The following GKAP1 variants were observed in gnomAD, a reference collection of about 807,000 sequenced individuals.
GKAP1 encodes the protein G kinase-anchoring protein 1.
GKAP1 carries 31 observed loss-of-function variants against 56.7 expected under a neutral mutation model. The observed-to-expected ratio is 0.55, with a 90% CI of 0.41 to 0.74. The LOEUF is 0.74. Among genes scored for constraint, GKAP1 ranks in the 30% least tolerant of loss-of-function variants. The probability of loss-of-function intolerance (pLI) is 0.00; values close to 1 mark genes in which losing one functional copy is unlikely to be tolerated. For missense variants in GKAP1, 364 were observed against 402.3 expected, an observed-to-expected ratio of 0.90 and a Z score of 0.82; for synonymous variants, 151 against 138.6, an observed-to-expected ratio of 1.09 and a Z score of -0.63.
chr9:83,785,951 C>T (rs920527956), intron 5 of GKAP1, among the ~76,000 whole-genome samples: 73 of 152,282 alleles, frequency 4.8e-4, no homozygotes, highest in African/African-American at 1.8e-3. Context: ...TTCAAATATG[C>T]TATATTCTTT....
At chr9:83,768,034 G>A (rs1171427926) in intron 8 of GKAP1, among the ~76,000 whole-genome samples, 1 of 152,108 alleles carries the variant, frequency 6.6e-6, no homozygotes, top group Admixed American at 6.6e-5. Flanking sequence ...GCCATTCTTA[G>A]CTTACAGTCC....
At chr9:83,781,554 T>G (rs371883026) in intron 6 of GKAP1, among the ~76,000 whole-genome samples, 1 of 152,184 alleles carries the variant, frequency 6.6e-6, no homozygotes, top group Non-Finnish European at 1.5e-5. Flanking sequence ...ATAGTGTCCA[T>G]AAACACAGTA....
At chr9:83,814,011 G>C (rs562657454) in intron 2 of GKAP1, among the ~76,000 whole-genome samples, 1 of 152,158 alleles carries the variant, frequency 6.6e-6, no homozygotes, top group Non-Finnish European at 1.5e-5. Flanking sequence ...AAGGTGGTAG[G>C]ATCACCTGAG....
At position 83,817,065 on chromosome 9, in the gene GKAP1, G is replaced by C. The variant is rs1049595814; in HGVS notation, c.-113C>G. On this transcript the variant is annotated 5_prime_UTR_variant, in exon 2 of 13. An upstream open reading frame in the 5' UTR gains an earlier in-frame stop. Transcript: ENST00000376371. ...CGATGCTCCGAAACTTATTCGCAAAGTACATAGAGAAAGAAATTGCGCTGG... is the reference window on the plus strand; with the variant it reads ...CGATGCTCCGAAACTTATTCGCAAACTACATAGAGAAAGAAATTGCGCTGG... 2.0e-5 allele frequency: 3 copies of C among 152,200 alleles called. No homozygotes were observed. Among genetic ancestry groups the C allele is most frequent in the Non-Finnish European group, 4.4e-5 (3 of 68,030 alleles). The allele number at this position is 152,200 out of a possible 1,614,324, so 9.4% of individuals were successfully genotyped here. A position where few individuals can be genotyped will look rare whatever the true frequency, so the allele number is the denominator to read the frequency against.
Position 83,780,653 on chromosome 9 carries a change from A to T in GKAP1, c.563-249T>A, listed in dbSNP as rs140108826. 3.6e-3 allele frequency among the ~76,000 whole-genome samples: 547 copies of T among 152,236 alleles called. 1 individual carries two copies. Among genetic ancestry groups the T allele is most frequent in the African/African-American group, 0.01 (429 of 41,550 alleles). The stretch of plus-strand genomic sequence containing the variant: ...TCTTATCCTAGTAAATCCCACCCAT[A>T]TCAAGGGATATTATTGCATTTTAAG... On this transcript the variant is annotated intron_variant, in intron 6 of 12. Coordinates refer to ENST00000376371, the MANE Select transcript of GKAP1 (RefSeq NM_025211.4).
chr9:83,759,592 A>G (rs961535058), intron 8 of GKAP1, among the ~76,000 whole-genome samples: 1 of 152,198 alleles, frequency 6.6e-6, no homozygotes, highest in Non-Finnish European at 1.5e-5. Flanking sequence ...TTGCTATTAC[A>G]AACAACTGAG....
chr9:83,792,859 A>G (rs1183294286), intron 4 of GKAP1: 6 of 262,276 alleles, frequency 2.3e-5, no homozygotes, highest in Admixed American at 6.4e-5. Context: ...GTTCCTTATT[A>G]TTTTCTTTTT....
At chr9:83,786,578 A>G (rs1444366418) in intron 5 of GKAP1, among the ~76,000 whole-genome samples, 1 of 152,062 alleles carries the variant, frequency 6.6e-6, no homozygotes, top group Non-Finnish European at 1.5e-5. Context: ...AGAAAAGAAA[A>G]AGAAAATGCC....
intron 9 of GKAP1, 33 bp from the exon 10 acceptor site, chr9:83,748,405 T>A (rs1301569188): frequency 1.9e-5 from 23 of 1,219,920 alleles, no homozygotes; most frequent in African/African-American, 3.1e-5. Context: ...TTAGTTTTTT[T>A]AAAAGTAAGT....
At chr9:83,804,852 TCAGCCCCCCGCC>T (rs1297540104) in intron 3 of GKAP1, among the ~76,000 whole-genome samples, 1 of 114,262 alleles carries the variant, frequency 8.8e-6, no homozygotes, top group Non-Finnish European at 1.8e-5. Flanking sequence ...AGGTGGGGGG[TCAGCCCCCCGCC>T]CGGCCAGCCG....
intron 7 of GKAP1, among the ~76,000 whole-genome samples, chr9:83,774,277 C>T (rs1312881037): frequency 6.6e-6 from 1 of 151,994 alleles, no homozygotes; most frequent in Non-Finnish European, 1.5e-5. Context: ...GGGACACTGG[C>T]CTTGGGAAAG....
chr9:83,777,562 T>C (rs1163926577), intron 7 of GKAP1, among the ~76,000 whole-genome samples: 4 of 152,120 alleles, frequency 2.6e-5, no homozygotes, highest in African/African-American at 7.2e-5. Flanking sequence ...ACCAAGAATA[T>C]ATATGCAGTT....
chr9:83,764,114 GAAA>G (rs35403267), intron 8 of GKAP1, among the ~76,000 whole-genome samples: 1 of 152,102 alleles, frequency 6.6e-6, no homozygotes, highest in Non-Finnish European at 1.5e-5. Flanking sequence ...CATAATCAAT[GAAA>G]AAGGAAGAAG....
At chr9:83,777,889 A>G (rs1943890022) in intron 7 of GKAP1, among the ~76,000 whole-genome samples, 1 of 152,236 alleles carries the variant, frequency 6.6e-6, no homozygotes, top group Non-Finnish European at 1.5e-5. Flanking sequence ...AAGATCTTCT[A>G]AATTTCTAGA....
intron 2 of GKAP1, among the ~76,000 whole-genome samples, chr9:83,808,602 AAAT>A (rs1323323982): frequency 6.6e-6 from 1 of 152,224 alleles, no homozygotes; most frequent in African/African-American, 2.4e-5. Flanking sequence ...TCTCAAAAAA[AAAT>A]AATAATCCTA....
Position 83,739,539 on chromosome 9 carries a change from G to C in GKAP1, c.*158C>G, listed in dbSNP as rs1335460956. 5 of 451,640 alleles carry C rather than the reference G, an allele frequency of 1.1e-5. No individual in the cohort carries two copies. The highest frequency in any genetic ancestry group is 1.0e-4 in the African/African-American group (5 of 50,032). 28.0% of individuals were successfully genotyped at this position (451,640 alleles called of 1,614,324 possible). On this transcript the variant is annotated 3_prime_UTR_variant, in exon 13 of 13. Coordinates refer to ENST00000376371, the MANE Select transcript of GKAP1 (RefSeq NM_025211.4). ...CTCTATTTCTTCTTTTTCACTTTAA[G>C]CCAAAAGAAATAAAATTATAGACCA...
At chr9:83,812,340 T>C (rs1489714666) in intron 2 of GKAP1, among the ~76,000 whole-genome samples, 1 of 148,166 alleles carries the variant, frequency 6.7e-6, no homozygotes, top group Non-Finnish European at 1.5e-5. Context: ...CGTATATATA[T>C]ACACGTATAT....
Position 83,804,237 on chromosome 9 carries a change from C to T in GKAP1, c.216+2065G>A, listed in dbSNP as rs528929907. ...CCTCTGCCGGGCCAGCCACCCCGTC[C>T]GGGAGGGAGGTGGGGGGCTCAGCCC... On this transcript the variant is annotated intron_variant, in intron 3 of 12. Transcript: ENST00000376371. Among the ~76,000 whole-genome samples, 14 of 149,382 alleles carry T rather than the reference C, an allele frequency of 9.4e-5. 1 individual carries two copies. In the East Asian group the frequency reaches 2.7e-3, roughly 28 times the overall value.
chr9:83,784,894 C>A, intron 5 of GKAP1, 56 bp from the exon 6 acceptor site: 1 of 1,344,998 alleles, frequency 7.4e-7, no homozygotes, highest in Non-Finnish European at 1.0e-6. Context: ...AAAATAAACT[C>A]ACCAACAGGT....
Sources: allele counts gnomAD v4.1 joint callset (sites outside exome capture counted in the v4.1 genomes callset), GRCh38; gene constraint gnomAD v4.1.1; transcripts MANE v1.5; gene names NCBI Gene and HGNC (gene_info 2026-07-23, HGNC 2026-07-21).